CDH1: variants seen among roughly 807,000 people sequenced by gnomAD.
The protein encoded by CDH1 is cadherin-1.
Under a neutral mutation model 84.5 loss-of-function variants are expected in CDH1, and 35 were observed. The observed-to-expected ratio is 0.41, with a 90% CI of 0.32 to 0.55. The LOEUF (loss-of-function observed/expected upper bound fraction) is 0.55. CDH1 is among the 20% of genes least tolerant of loss of function. The pLI, the probability that CDH1 is intolerant of heterozygous loss-of-function variation, is 0.19. For synonymous variants in CDH1, 417 were observed against 439.0 expected (o/e 0.95, Z 0.63); for missense variants, 994 against 1,126.6 (o/e 0.88, Z 1.68).
chr16:68,791,416 CT>C (rs1374425434), intron 2 of CDH1, among the ~76,000 whole-genome samples: 3 of 152,100 alleles, frequency 2.0e-5, no homozygotes, highest in Non-Finnish European at 4.4e-5. Flanking sequence ...ATTCCTGATA[CT>C]TTTTTTCGTT....
At chr16:68,759,877 C>G (rs925655601) in intron 2 of CDH1, among the ~76,000 whole-genome samples, 1 of 152,028 alleles carries the variant, frequency 6.6e-6, no homozygotes, top group Admixed American at 6.6e-5. Context: ...CCCTGGCTGG[C>G]TTTTATCCTT....
intron 3 of CDH1, among the ~76,000 whole-genome samples, chr16:68,807,586 G>C (rs2152129239): frequency 6.6e-6 from 1 of 152,270 alleles, no homozygotes; most frequent in Admixed American, 6.5e-5. Context: ...CTACTTGGTA[G>C]GCTGAGGTCA....
At chr16:68,819,960 A>G (rs1245557053) in intron 11 of CDH1, among the ~76,000 whole-genome samples, 1 of 152,112 alleles carries the variant, frequency 6.6e-6, no homozygotes, top group East Asian at 1.9e-4. Flanking sequence ...GCACTTAGAG[A>G]GGCTGAGGTG....
At chr16:68,819,735 A>T (rs1165606744) in intron 11 of CDH1, among the ~76,000 whole-genome samples, 1 of 152,094 alleles carries the variant, frequency 6.6e-6, no homozygotes, top group Non-Finnish European at 1.5e-5. Context: ...ATCATTCCAC[A>T]ATCTACATCC....
Position 68,813,339 on chromosome 16 carries a change from G to A in CDH1, c.1164G>A (p.Glu388=), listed in dbSNP as rs774875972. ...ACAAGGGTCAGGTGCCTGAGAACGA[G>A]GCTAACGTCGTAATCACCACACTGA... The part of the protein sequence containing the change: ...TTYKGQVPEN[E]ANVVITTLKV... Residue 388 remains glutamate (E), a synonymous_variant, in exon 9 of 16, where the codon GAG becomes GAA. Coordinates refer to ENST00000261769, the MANE Select transcript of CDH1 (RefSeq NM_004360.5). 1.9e-6 allele frequency: 3 copies of A among 1,614,036 alleles called. No individual in the cohort carries two copies. The African/African-American group carries it at 4.0e-5, about 22-fold the overall frequency.
rs529632683 is a variant in CDH1, at chr16:68,747,370, TC to T, written c.163+8960del. 6.2e-4 allele frequency among the ~76,000 whole-genome samples: 94 copies of T among 152,302 alleles called. No homozygotes were observed. The Middle Eastern group carries it at 0.01, about 17-fold the overall frequency. ...GCAGAGGCAGCTGGGCCAGGGTACC[TC>T]TGGGCCTTGGGCCGTGGGTCATGGA... is the stretch of plus-strand genomic sequence containing the variant. On this transcript the variant is annotated intron_variant, in intron 2 of 15. Transcript: ENST00000261769.
intron 2 of CDH1, among the ~76,000 whole-genome samples, chr16:68,741,930 C>T (rs1027910908): frequency 3.3e-5 from 5 of 152,152 alleles, no homozygotes; most frequent in Non-Finnish European, 7.3e-5. Context: ...CTTGGCCTCC[C>T]AAAGTGTTGG....
intron 2 of CDH1, among the ~76,000 whole-genome samples, chr16:68,740,380 T>C (rs11865026): frequency 0.24 from 36,687 of 152,066 alleles, 4,748 homozygotes; most frequent in Admixed American, 0.29. Context: ...GAGCTTTCTA[T>C]TGGATCAGAA....
chr16:68,775,777 G>C (rs1180020239), intron 2 of CDH1, among the ~76,000 whole-genome samples: 3 of 152,168 alleles, frequency 2.0e-5, no homozygotes, highest in Admixed American at 1.3e-4. Context: ...GTTATGATTT[G>C]ATAGACCCTG....
intron 2 of CDH1, among the ~76,000 whole-genome samples, chr16:68,788,117 G>T (rs34927202): frequency 2.7e-4 from 41 of 152,126 alleles, no homozygotes; most frequent in East Asian, 1.9e-3. Flanking sequence ...GTGAGCCACC[G>T]CACCCAGCCT....
At chr16:68,778,304 C>A (rs1443384957) in intron 2 of CDH1, among the ~76,000 whole-genome samples, 1 of 152,146 alleles carries the variant, frequency 6.6e-6, no homozygotes, top group Non-Finnish European at 1.5e-5. Context: ...CCTTGGCCTC[C>A]CAAAATGCTG....
intron 2 of CDH1, among the ~76,000 whole-genome samples, chr16:68,770,687 A>G (rs1285216359): frequency 1.3e-5 from 2 of 151,188 alleles, no homozygotes; most frequent in Non-Finnish European, 2.9e-5. Context: ...AGTGGTAGAA[A>G]GGAGGACACC....
At position 68,822,232 on chromosome 16, in the gene CDH1, A is replaced by C; in HGVS notation, c.1936+7A>C. The C allele has an allele frequency of 6.2e-7, 1 of 1,609,514 alleles. No homozygotes were observed. The highest frequency in any genetic ancestry group is 1.1e-5 in the South Asian group (1 of 90,996). ...ATTCAGTACAACGACCCAAGTGGGTACCTGAGTTTTATTTTGGCAACTTTG... is the reference window on the plus strand; with the variant it reads ...ATTCAGTACAACGACCCAAGTGGGTCCCTGAGTTTTATTTTGGCAACTTTG... On this transcript the variant is annotated splice_region_variant and intron_variant, in intron 12 of 15. Transcript: ENST00000261769.
At chr16:68,827,781 A>C (rs1346093555) in intron 13 of CDH1, among the ~76,000 whole-genome samples, 1 of 151,694 alleles carries the variant, frequency 6.6e-6, no homozygotes, top group African/African-American at 2.4e-5. Flanking sequence ...TCTTCCCCTC[A>C]TGCACCCTGC....
At position 68,737,410 on chromosome 16, in the gene CDH1, C is replaced by T. The variant is rs1064794910; in HGVS notation, c.-6C>T. The T allele has an allele frequency of 6.5e-7, 1 of 1,531,350 alleles. No homozygotes were observed. The highest frequency in any genetic ancestry group is 8.7e-7 in the Non-Finnish European group (1 of 1,145,236). The allele number at this position is 1,531,350 out of a possible 1,614,324, so 94.9% of individuals were successfully genotyped here. A position where few individuals can be genotyped will look rare whatever the true frequency, so the allele number is the denominator to read the frequency against. ...GCCTGCCCTCGCTCGGCGTCCCCGGCCAGCCATGGGCCCTTGGAGCCGCAG... is the reference window on the plus strand; with the variant it reads ...GCCTGCCCTCGCTCGGCGTCCCCGGTCAGCCATGGGCCCTTGGAGCCGCAG... On this transcript the variant is annotated 5_prime_UTR_variant, in exon 1 of 16. Transcript: ENST00000261769.
rs1163417116 is a variant in CDH1, at chr16:68,829,681, G to A, written c.2323G>A (p.Gly775Ser). ...QDFDLSQLHR[G>S]LDARPEVTRN... ...CTTTGACTTGAGCCAGCTGCACAGG[G>A]GCCTGGACGCTCGGCCTGAAGTGAC... The change falls in exon 15 of 16, where the codon GGC (glycine) becomes AGC (serine). Residue 775 changes from glycine (G) to serine (S), a missense_variant. Around this residue, in one of 3 missense-constraint regions of CDH1, gnomAD observed 769 missense variants for 881.8 expected, o/e 0.87. Transcript: ENST00000261769. The A allele has an allele frequency of 1.2e-6, 2 of 1,614,058 alleles. No individual in the cohort carries two copies. The highest frequency in any genetic ancestry group is 3.3e-5 in the Admixed American group (2 of 60,008).
chr16:68,796,718 G>C (rs1960371588), intron 2 of CDH1, among the ~76,000 whole-genome samples: 1 of 151,756 alleles, frequency 6.6e-6, no homozygotes, highest in South Asian at 2.1e-4. Flanking sequence ...GGATGACAGA[G>C]TATTAAAAAC....
At chr16:68,790,461 G>A (rs766660875) in intron 2 of CDH1, among the ~76,000 whole-genome samples, 4 of 152,098 alleles carry the variant, frequency 2.6e-5, no homozygotes, top group Non-Finnish European at 4.4e-5. Context: ...GATCAGTTAC[G>A]GCCTCTGTTT....
chr16:68,763,943 G>T (rs1959296621), intron 2 of CDH1, among the ~76,000 whole-genome samples: 1 of 152,182 alleles, frequency 6.6e-6, no homozygotes, highest in African/African-American at 2.4e-5. Flanking sequence ...GACAACCTGG[G>T]CGAGAGCAGG....
Sources: gnomAD v4.1 joint callset for allele counts (sites outside exome capture counted in the v4.1 genomes callset) on GRCh38, gnomAD v4.1.1 for gene constraint, gnomAD v4.1.1 regional missense constraint, MANE v1.5 for transcripts, NCBI Gene and HGNC (gene_info 2026-07-23, HGNC 2026-07-21) for gene names.